DAO: variants seen among roughly 807,000 people sequenced by gnomAD.
DAO encodes the protein D-amino acid oxidase.
A neutral mutation model predicts 50.1 loss-of-function variants in DAO; 51 were observed. That is an observed-to-expected ratio of 1.02 (90% CI 0.81 to 1.29). The LOEUF is 1.29. DAO is among the 50% of genes most tolerant of loss of function. The pLI is 0.00. For missense variants in DAO, 436 were observed against 439.4 expected, an observed-to-expected ratio of 0.99 and a Z score of 0.07; for synonymous variants, 160 against 166.2, an observed-to-expected ratio of 0.96 and a Z score of 0.29.
intron 6 of DAO, among the ~76,000 whole-genome samples, chr12:108,893,298 G>T (rs2039511908): frequency 6.6e-6 from 1 of 152,152 alleles, no homozygotes; most frequent in South Asian, 2.1e-4. Context: ...TGGGTCTAGA[G>T]AGCTGGCCGC....
At chr12:108,886,350 A>G (rs988113935) in intron 2 of DAO, among the ~76,000 whole-genome samples, 2 of 152,056 alleles carry the variant, frequency 1.3e-5, no homozygotes, top group Non-Finnish European at 2.9e-5. Context: ...TAAGTGGGTG[A>G]ACATCTAAGT....
intron 6 of DAO, 71 bp downstream of exon 6, chr12:108,893,107 T>A: frequency 7.0e-7 from 1 of 1,426,818 alleles, no homozygotes; most frequent in Non-Finnish European, 9.8e-7. Context: ...TGCTGCTGAG[T>A]CGGGGGCTCC....
At chr12:108,894,227 C>A (rs770153487) in intron 6 of DAO, 36 bp from the exon 7 acceptor site, 10 of 1,523,994 alleles carry the variant, frequency 6.6e-6, no homozygotes, top group Non-Finnish European at 9.1e-6. Context: ...GTCTTCCCCA[C>A]CTTTCATCCC....
At chr12:108,900,018 A>G (rs1472208974) in intron 10 of DAO, 3 of 321,378 alleles carry the variant, frequency 9.3e-6, no homozygotes, top group African/African-American at 2.1e-5. Context: ...CAAGTCCATT[A>G]CATGAATGAC....
chr12:108,884,899 G>T (rs945067399), intron 1 of DAO, 99 bp from the exon 2 acceptor site: 2 of 1,116,080 alleles, frequency 1.8e-6, no homozygotes, highest in African/African-American at 3.1e-5. Flanking sequence ...GCTTGGTGGT[G>T]TCTGGCACCT....
chr12:108,898,675 C>T lies in DAO; in HGVS notation c.696-4C>T. 1.9e-6 allele frequency: 3 copies of T among 1,595,872 alleles called. No homozygotes were observed. The highest frequency in any genetic ancestry group is 2.6e-6 in the Non-Finnish European group (3 of 1,163,476). On this transcript the variant is annotated splice_polypyrimidine_tract_variant and splice_region_variant and intron_variant, in intron 8 of 10. Transcript: ENST00000228476. ...CATCCTTGACCCTCCTCATTTGTAT[C>T]TAGGACCCAGACAGTTACTCTTGGA...
intron 1 of DAO, chr12:108,883,707 G>C (rs1188420283): frequency 2.3e-6 from 1 of 431,334 alleles, no homozygotes; most frequent in East Asian, 7.0e-5. Context: ...GTCCCTGAGA[G>C]GGGCTGTCCC....
rs1181739408 is a variant in DAO at position 108,897,051 on chromosome 12, G to A, written c.658G>A (p.Glu220Lys). 4 of 1,613,892 alleles carry A rather than the reference G, an allele frequency of 2.5e-6. No individual in the cohort carries two copies. The African/African-American group carries it at 5.3e-5, about 22-fold the overall frequency. The change falls in exon 8 of 11, where the codon GAG (glutamate) becomes AAG (lysine). Residue 220 changes from glutamate (E) to lysine (K), a missense_variant. Physicochemically the swap from Glu to Lys is moderately conservative, Grantham distance 56 (BLOSUM62 1). Transcript: ENST00000228476. ...GCACTTCATTCTCACCCATGACCCA[G>A]AGAGAGGCATCTACAATTCCCCGTA... ...MKHFILTHDPERGIYNSPYII... is the reference protein window; with the variant it reads ...MKHFILTHDPKRGIYNSPYII...
chr12:108,895,424 G>A (rs1288554045), intron 7 of DAO, among the ~76,000 whole-genome samples: 2 of 141,918 alleles, frequency 1.4e-5, no homozygotes, highest in Non-Finnish European at 1.5e-5. Flanking sequence ...TGTGTGTGAG[G>A]GTGTGTGCAT....
intron 4 of DAO, 76 bp from the exon 5 acceptor site, chr12:108,890,132 C>T: frequency 8.0e-7 from 1 of 1,242,790 alleles, no homozygotes; most frequent in South Asian, 1.2e-5. Flanking sequence ...ACATTGCTCC[C>T]ACCTCCATTT....
At chr12:108,884,728 T>C (rs1228327906) in intron 1 of DAO, among the ~76,000 whole-genome samples, 2 of 152,046 alleles carry the variant, frequency 1.3e-5, no homozygotes, top group Non-Finnish European at 2.9e-5. Context: ...AGAAACTGGG[T>C]GTCTGGGGAC....
At chr12:108,898,581 G>A (rs894832870) in intron 8 of DAO, 98 bp from the exon 9 acceptor site, 5 of 829,296 alleles carry the variant, frequency 6.0e-6, no homozygotes, top group African/African-American at 1.7e-5. Context: ...AGTGATGGTG[G>A]TGGTGTTAGC....
chr12:108,881,448 C>A (rs554010111), intron 1 of DAO, among the ~76,000 whole-genome samples: 44 of 140,486 alleles, frequency 3.1e-4, no homozygotes, highest in African/African-American at 1.2e-3. Context: ...GTCATGAGGA[C>A]CTCATGCATT....
chr12:108,899,495 A>G lies in DAO; in HGVS notation c.912+20A>G. 3 of 1,596,206 alleles carry G rather than the reference A, an allele frequency of 1.9e-6. No individual in the cohort carries two copies. Among genetic ancestry groups the G allele is most frequent in the Non-Finnish European group, 2.6e-6 (3 of 1,165,842 alleles). ...ACAGAGGTATGCTCCCATGGCAAGG[A>G]AAGTAATGCCCTCTTCCACTCCTCA... is the stretch of plus-strand genomic sequence containing the variant. On this transcript the variant is annotated intron_variant, in intron 10 of 10. Coordinates refer to ENST00000228476, the MANE Select transcript of DAO (RefSeq NM_001917.5).
At chr12:108,896,745 T>C (rs2137364952) in intron 7 of DAO, among the ~76,000 whole-genome samples, 1 of 152,304 alleles carries the variant, frequency 6.6e-6, no homozygotes. Context: ...TGTATGCATT[T>C]ACATGTGTGT....
chr12:108,897,568 C>G (rs1217930507), intron 8 of DAO, among the ~76,000 whole-genome samples: 1 of 152,128 alleles, frequency 6.6e-6, no homozygotes, highest in Admixed American at 6.6e-5. Context: ...GGAAGGCAGA[C>G]TCAGCCTCGA....
chr12:108,884,085 G>C (rs888843773), intron 1 of DAO, among the ~76,000 whole-genome samples: 1 of 152,240 alleles, frequency 6.6e-6, no homozygotes, highest in African/African-American at 2.4e-5. Flanking sequence ...GTTAAAAGCT[G>C]GTAGGCCTTC....
chr12:108,900,717 C>A lies in DAO; in HGVS notation c.*182C>A, dbSNP rs2039613738. 4.4e-6 allele frequency: 3 copies of A among 682,516 alleles called. No individual in the cohort carries two copies. Among genetic ancestry groups the A allele is most frequent in the Non-Finnish European group, 4.8e-6 (2 of 417,516 alleles). 42.3% of individuals were successfully genotyped at this position (682,516 alleles called of 1,614,324 possible). A position where few individuals can be genotyped will look rare whatever the true frequency, so the allele number is the denominator to read the frequency against. On this transcript the variant is annotated 3_prime_UTR_variant, in exon 11 of 11. Transcript: ENST00000228476. ...GTTCAGCCCAACATGGGGCCCCTCT[C>A]ATCACTGAAATCCCTCTACCTTCTC...
intron 1 of DAO, among the ~76,000 whole-genome samples, chr12:108,882,785 T>C (rs930354124): frequency 1.3e-5 from 2 of 152,180 alleles, no homozygotes; most frequent in Non-Finnish European, 2.9e-5. Flanking sequence ...TCTCTTAGAT[T>C]CTTCATGGAG....
Sources: gnomAD v4.1 joint callset for allele counts (sites outside exome capture counted in the v4.1 genomes callset) on GRCh38, gnomAD v4.1.1 for gene constraint, MANE v1.5 for transcripts, NCBI Gene and HGNC (gene_info 2026-07-23, HGNC 2026-07-21) for gene names.